IGSF21: variants seen among roughly 807,000 people sequenced by gnomAD.
IGSF21 encodes the protein immunoglobulin superfamily member 21.
IGSF21 carries 28 observed loss-of-function variants against 46.8 expected under a neutral mutation model. The ratio of observed to expected loss-of-function variants is 0.60; its 90% CI spans 0.44 to 0.82. IGSF21 has a LOEUF of 0.82. Among genes scored for constraint, IGSF21 ranks in the 40% least tolerant of loss-of-function variants. IGSF21 has a pLI of 0.00. For synonymous variants in IGSF21, 284 were observed against 273.6 expected (o/e 1.04, Z -0.38); for missense variants, 624 against 665.5 (o/e 0.94, Z 0.69).
At chr1:18,138,813 C>T (rs74212362) in intron 1 of IGSF21, among the ~76,000 whole-genome samples, 4,139 of 152,320 alleles carry the variant, frequency 0.027, 115 homozygotes, top group African/African-American at 0.078. Context: ...CCAGGATGCC[C>T]GCTAAGGCCC....
intron 3 of IGSF21, among the ~76,000 whole-genome samples, chr1:18,305,947 A>G (rs2085422136): frequency 6.6e-6 from 1 of 152,198 alleles, no homozygotes; most frequent in Non-Finnish European, 1.5e-5. Context: ...AGCCTTCCTC[A>G]TGTCCAGCTA....
chr1:18,340,883 C>T (rs1321630885), intron 4 of IGSF21, among the ~76,000 whole-genome samples: 1 of 152,028 alleles, frequency 6.6e-6, no homozygotes, highest in African/African-American at 2.4e-5. Context: ...TCTGCTTCTG[C>T]CCCTGCTTCT....
chr1:18,355,917 C>A (rs1258962980), intron 4 of IGSF21, among the ~76,000 whole-genome samples: 1 of 150,022 alleles, frequency 6.7e-6, no homozygotes, highest in Non-Finnish European at 1.5e-5. Context: ...CTCACTGCAA[C>A]CTCCGCCTTC....
intron 1 of IGSF21, among the ~76,000 whole-genome samples, chr1:18,208,395 A>ATTTTTT (rs1553154097): frequency 8.1e-6 from 1 of 123,766 alleles, no homozygotes; most frequent in Non-Finnish European, 1.8e-5. Context: ...ATATATATAT[A>ATTTTTT]TTTTTTGAGA....
At chr1:18,248,594 C>A (rs78360528) in intron 2 of IGSF21, among the ~76,000 whole-genome samples, 11 of 152,204 alleles carry the variant, frequency 7.2e-5, no homozygotes, top group African/African-American at 2.6e-4. Flanking sequence ...TCATGCCTGC[C>A]GTGGTGCTTA....
At chr1:18,123,960 T>C (rs2086255574) in intron 1 of IGSF21, among the ~76,000 whole-genome samples, 1 of 152,170 alleles carries the variant, frequency 6.6e-6, no homozygotes, top group East Asian at 1.9e-4. Context: ...CTGGGAAGCA[T>C]GAAGCCCCCC....
intron 3 of IGSF21, among the ~76,000 whole-genome samples, chr1:18,293,229 G>A (rs771121515): frequency 6.6e-6 from 1 of 152,206 alleles, no homozygotes; most frequent in Non-Finnish European, 1.5e-5. Flanking sequence ...CTGGCACACA[G>A]TGGGTACATA....
chr1:18,203,253 C>T (rs17435762), intron 1 of IGSF21, among the ~76,000 whole-genome samples: 65,990 of 152,018 alleles, frequency 0.43, 14,913 homozygotes, highest in Middle Eastern at 0.51. Context: ...CTCCTCAAGT[C>T]TAGGGACATG....
intron 3 of IGSF21, among the ~76,000 whole-genome samples, chr1:18,292,757 C>A (rs75965466): frequency 1.3e-5 from 2 of 152,190 alleles, no homozygotes; most frequent in Non-Finnish European, 2.9e-5. Context: ...CCCACTCCAG[C>A]AATTCCACCC....
chr1:18,378,381 A>G lies in IGSF21; in HGVS notation c.*55A>G. On this transcript the variant is annotated 3_prime_UTR_variant, in exon 10 of 10. Coordinates refer to ENST00000251296, the MANE Select transcript of IGSF21 (RefSeq NM_032880.5). ...ACTGACATCTCCACGACCGGTTTTCATTTCTTTTCTAAACTATTTCCAGTC... is the reference window on the plus strand; with the variant it reads ...ACTGACATCTCCACGACCGGTTTTCGTTTCTTTTCTAAACTATTTCCAGTC... 1 of 1,397,646 alleles carries G rather than the reference A, an allele frequency of 7.2e-7. No homozygotes were observed. Among genetic ancestry groups the G allele is most frequent in the Non-Finnish European group, 1.0e-6 (1 of 993,926 alleles). 86.6% of individuals were successfully genotyped at this position (1,397,646 alleles called of 1,614,324 possible). A position where few individuals can be genotyped will look rare whatever the true frequency, so the allele number is the denominator to read the frequency against.
intron 2 of IGSF21, among the ~76,000 whole-genome samples, chr1:18,249,104 C>A (rs2084812350): frequency 6.6e-6 from 1 of 152,128 alleles, no homozygotes; most frequent in African/African-American, 2.4e-5. Flanking sequence ...TGGATAGCAG[C>A]CAGAGAGGTG....
chr1:18,312,047 ACCTT>A (rs2085493825), intron 3 of IGSF21, among the ~76,000 whole-genome samples: 3 of 151,972 alleles, frequency 2.0e-5, no homozygotes, highest in Admixed American at 2.0e-4. Context: ...CACCAGGTTC[ACCTT>A]CCTTCTGCTT....
chr1:18,195,260 C>T (rs2086995947), intron 1 of IGSF21, among the ~76,000 whole-genome samples: 1 of 152,042 alleles, frequency 6.6e-6, no homozygotes, highest in African/African-American at 2.4e-5. Flanking sequence ...TGATGAGAGT[C>T]TTCACTCACT....
At chr1:18,254,268 T>A (rs1411417205) in intron 2 of IGSF21, among the ~76,000 whole-genome samples, 1 of 145,686 alleles carries the variant, frequency 6.9e-6, no homozygotes, top group African/African-American at 2.7e-5. Flanking sequence ...AGAGAGTTTG[T>A]CATTCCTTGA....
intron 1 of IGSF21, among the ~76,000 whole-genome samples, chr1:18,134,500 C>G (rs72942373): frequency 1.9e-3 from 293 of 152,318 alleles, no homozygotes; most frequent in African/African-American, 6.9e-3. Context: ...CAGGCACTAT[C>G]CGCTCATCTC....
At chr1:18,237,095 C>G (rs1474267637) in intron 2 of IGSF21, among the ~76,000 whole-genome samples, 1 of 152,196 alleles carries the variant, frequency 6.6e-6, no homozygotes, top group Admixed American at 6.5e-5. Context: ...AAATTACAAG[C>G]CCACTGTCTT....
intron 1 of IGSF21, among the ~76,000 whole-genome samples, chr1:18,196,415 C>A (rs530661228): frequency 1.3e-5 from 2 of 152,178 alleles, no homozygotes; most frequent in East Asian, 1.9e-4. Flanking sequence ...TGAGTCCCTG[C>A]AGGGCGCGTC....
chr1:18,362,987 G>T (rs1316921639), intron 5 of IGSF21, among the ~76,000 whole-genome samples: 1 of 152,064 alleles, frequency 6.6e-6, no homozygotes, highest in East Asian at 1.9e-4. Flanking sequence ...GACAATATTT[G>T]TTTTTCAGCT....
chr1:18,273,457 TC>T (rs1211885308), intron 2 of IGSF21, among the ~76,000 whole-genome samples: 7 of 61,414 alleles, frequency 1.1e-4, no homozygotes, highest in East Asian at 7.3e-4. Context: ...TTTCTTTCTT[TC>T]TCTCTCTTTC....
Sources: gnomAD v4.1 joint callset for allele counts (sites outside exome capture counted in the v4.1 genomes callset) on GRCh38, gnomAD v4.1.1 for gene constraint, MANE v1.5 for transcripts, NCBI Gene and HGNC (gene_info 2026-07-23, HGNC 2026-07-21) for gene names.